Variants in ADAMTS3 observed in about 807,000 individuals in gnomAD.
ADAMTS3 encodes the protein A disintegrin and metalloproteinase with thrombospondin motifs 3.
A neutral mutation model predicts 129.0 loss-of-function variants in ADAMTS3; 73 were observed. The ratio of observed to expected loss-of-function variants is 0.57; its 90% CI spans 0.47 to 0.69. The LOEUF (loss-of-function observed/expected upper bound fraction) is 0.69, where lower values mean the gene tolerates loss of function less well. ADAMTS3 is among the 30% of genes least tolerant of loss of function. ADAMTS3 has a pLI of 0.00. For missense variants in ADAMTS3, 1,457 were observed against 1,514.5 expected, an observed-to-expected ratio of 0.96 and a Z score of 0.63; for synonymous variants, 477 against 510.8, an observed-to-expected ratio of 0.93 and a Z score of 0.89.
chr4:72,389,596 A>G (rs1721535593), intron 4 of ADAMTS3, among the ~76,000 whole-genome samples: 1 of 152,182 alleles, frequency 6.6e-6, no homozygotes, highest in South Asian at 2.1e-4. Context: ...AACATTTAGA[A>G]AGGACTATGC....
chr4:72,344,802 G>T (rs1720237282), intron 4 of ADAMTS3, among the ~76,000 whole-genome samples: 1 of 152,108 alleles, frequency 6.6e-6, no homozygotes, highest in African/African-American at 2.4e-5. Context: ...ATAGAGGAGA[G>T]TCTGACACTT....
chr4:72,425,170 C>T (rs1315844968), intron 3 of ADAMTS3, among the ~76,000 whole-genome samples: 2 of 152,034 alleles, frequency 1.3e-5, no homozygotes, highest in African/African-American at 2.4e-5. Flanking sequence ...TATGAGTATT[C>T]TCAGAAAAAG....
At chr4:72,464,747 T>A (rs1332633311) in intron 3 of ADAMTS3, among the ~76,000 whole-genome samples, 2 of 152,040 alleles carry the variant, frequency 1.3e-5, no homozygotes, top group Non-Finnish European at 2.9e-5. Flanking sequence ...GTGCAAGAAG[T>A]GTCTCTACAA....
Position 72,312,401 on chromosome 4 carries a change from T to C in ADAMTS3, c.1811A>G (p.Glu604Gly). ...NFEYQLCNTE[E>G]CQKHFEDFRA... ...GAAGTCCTCAAAGTGTTTTTGGCAT[T>C]CTTCTGTGTTACAAAGCTGGTACTC... Residue 604 changes from glutamate to glycine, a missense_variant, in exon 13 of 22, where the codon GAA becomes GGA. Transcript: ENST00000286657. The C allele has an allele frequency of 3.7e-6, 6 of 1,613,744 alleles. No individual in the cohort carries two copies. The highest frequency in any genetic ancestry group is 3.4e-6 in the Non-Finnish European group (4 of 1,179,796).
At chr4:72,518,766 A>C (rs905946466) in intron 3 of ADAMTS3, among the ~76,000 whole-genome samples, 11 of 150,484 alleles carry the variant, frequency 7.3e-5, no homozygotes, top group Admixed American at 3.3e-4. Flanking sequence ...AATACAGCAC[A>C]CTGATGGGTC....
chr4:72,286,484 A>G (rs1718508350), intron 21 of ADAMTS3, among the ~76,000 whole-genome samples: 1 of 152,250 alleles, frequency 6.6e-6, no homozygotes, highest in African/African-American at 2.4e-5. Flanking sequence ...GAAGTAATTT[A>G]TAAGGGTTGA....
chr4:72,535,056 G>A (rs1043265675), intron 3 of ADAMTS3, among the ~76,000 whole-genome samples: 2 of 152,150 alleles, frequency 1.3e-5, no homozygotes, highest in Non-Finnish European at 2.9e-5. Flanking sequence ...ATCTCATGGT[G>A]ACTTATTTTA....
At chr4:72,423,210 CTAAA>C (rs2109936164) in intron 3 of ADAMTS3, among the ~76,000 whole-genome samples, 1 of 152,164 alleles carries the variant, frequency 6.6e-6, no homozygotes, top group African/African-American at 2.4e-5. Context: ...GCAGCTGAAA[CTAAA>C]TATTTATCAT....
chr4:72,527,548 C>A (rs1030309953), intron 3 of ADAMTS3, among the ~76,000 whole-genome samples: 2 of 152,110 alleles, frequency 1.3e-5, no homozygotes, highest in Non-Finnish European at 2.9e-5. Context: ...CAAGTTCTAT[C>A]TAGATGTCCA....
At chr4:72,392,313 T>G (rs1220048427) in intron 4 of ADAMTS3, among the ~76,000 whole-genome samples, 1 of 152,244 alleles carries the variant, frequency 6.6e-6, no homozygotes. Flanking sequence ...ACATAATTAA[T>G]GATGGCACTG....
At chr4:72,347,302 GC>G (rs1292166876) in intron 4 of ADAMTS3, among the ~76,000 whole-genome samples, 1 of 130,496 alleles carries the variant, frequency 7.7e-6, no homozygotes, top group African/African-American at 2.9e-5. Flanking sequence ...TTTTCCATTT[GC>G]TAAGACAGTT....
intron 5 of ADAMTS3, among the ~76,000 whole-genome samples, chr4:72,324,948 G>A (rs1719662939): frequency 6.6e-6 from 1 of 152,106 alleles, no homozygotes; most frequent in South Asian, 2.1e-4. Context: ...CACTGCTTGT[G>A]AGACCTTTAT....
intron 3 of ADAMTS3, among the ~76,000 whole-genome samples, chr4:72,421,372 A>T (rs1211819439): frequency 6.6e-6 from 1 of 152,218 alleles, no homozygotes; most frequent in Non-Finnish European, 1.5e-5. Context: ...ATTCACTGCT[A>T]TGTCATATCC....
chr4:72,508,118 C>T (rs1328544030), intron 3 of ADAMTS3, among the ~76,000 whole-genome samples: 1 of 152,144 alleles, frequency 6.6e-6, no homozygotes, highest in South Asian at 2.1e-4. Context: ...TAAACAAACA[C>T]ATGCACATTG....
At chr4:72,510,230 T>A (rs1720276829) in intron 3 of ADAMTS3, among the ~76,000 whole-genome samples, 1 of 152,060 alleles carries the variant, frequency 6.6e-6, no homozygotes, top group African/African-American at 2.4e-5. Flanking sequence ...GGCTGCCCAC[T>A]GTCACCACTG....
intron 5 of ADAMTS3, among the ~76,000 whole-genome samples, chr4:72,333,812 T>C (rs1364198449): frequency 2.0e-5 from 3 of 151,496 alleles, no homozygotes; most frequent in Non-Finnish European, 4.4e-5. Context: ...GTTTTCTTTT[T>C]TGTTGTTTTG....
intron 3 of ADAMTS3, among the ~76,000 whole-genome samples, chr4:72,517,355 T>C (rs2109734760): frequency 6.6e-6 from 1 of 152,216 alleles, no homozygotes; most frequent in East Asian, 1.9e-4. Context: ...CCTCATAAAA[T>C]GAGTTAGGGA....
intron 5 of ADAMTS3, among the ~76,000 whole-genome samples, chr4:72,333,970 C>G (rs1247298668): frequency 6.6e-6 from 1 of 151,116 alleles, no homozygotes. Context: ...TGTCCTGCCT[C>G]AGCCTCCTGA....
In ADAMTS3 at chr4:72,390,754, G is replaced by A. The variant is rs116109596; in HGVS notation, c.661+24061C>T. Among the ~76,000 whole-genome samples the A allele has an allele frequency of 5.1e-3, 770 of 152,060 alleles. 2 individuals carry two copies. The highest frequency in any genetic ancestry group is 0.017 in the African/African-American group (720 of 41,474). ...AGCAAAAACACCTGTCTGGGAAAGC[G>A]CTTTATTTCCTAAGCTGTTCTATAA... On this transcript the variant is annotated intron_variant, in intron 4 of 21. Coordinates refer to ENST00000286657, the MANE Select transcript of ADAMTS3 (RefSeq NM_014243.3).
Sources: gnomAD v4.1 joint callset for allele counts (sites outside exome capture counted in the v4.1 genomes callset) on GRCh38, gnomAD v4.1.1 for gene constraint, MANE v1.5 for transcripts, NCBI Gene and HGNC (gene_info 2026-07-23, HGNC 2026-07-21) for gene names.